The following RIBC2 variants were observed in gnomAD, a reference collection of about 807,000 sequenced individuals.
RIBC2 encodes the protein RIB43A domain with coiled-coils 2, also known as RIB43A-like with coiled-coils protein 2.
Under a neutral mutation model 44.3 loss-of-function variants are expected in RIBC2, and 40 were observed. The ratio of observed to expected loss-of-function variants is 0.90; its 90% CI spans 0.70 to 1.18. The LOEUF (loss-of-function observed/expected upper bound fraction) is 1.18, where lower values mean the gene tolerates loss of function less well. Among genes scored for constraint, RIBC2 ranks in the 50% most tolerant of loss-of-function variants. RIBC2 has a pLI of 0.00. For synonymous variants in RIBC2, 171 were observed against 175.0 expected, an observed-to-expected ratio of 0.98 and a Z score of 0.18; for missense variants, 459 against 485.5, an observed-to-expected ratio of 0.95 and a Z score of 0.51.
At chr22:45,414,256 T>C in intron 1 of RIBC2, 66 bp from the exon 2 acceptor site, 1 of 1,512,462 alleles carries the variant, frequency 6.6e-7, no homozygotes, top group Non-Finnish European at 8.8e-7. Context: ...TAATAATAAG[T>C]AGGATTGTTA....
At chr22:45,415,225 GT>G (rs1276995870) in intron 2 of RIBC2, among the ~76,000 whole-genome samples, 1 of 147,538 alleles carries the variant, frequency 6.8e-6, no homozygotes, top group Admixed American at 6.8e-5. Context: ...AGAAATTTCA[GT>G]GTTTTTAAAC....
intron 6 of RIBC2, 30 bp downstream of exon 6, chr22:45,431,096 G>T: frequency 1.3e-6 from 2 of 1,556,728 alleles, no homozygotes; most frequent in East Asian, 2.4e-5. Context: ...AGGGCCAGGT[G>T]GGGGACCGGG....
At chr22:45,429,860 C>T (rs1234827612) in intron 5 of RIBC2, among the ~76,000 whole-genome samples, 1 of 152,118 alleles carries the variant, frequency 6.6e-6, no homozygotes, top group Non-Finnish European at 1.5e-5. Context: ...ATGAAACCTC[C>T]CCACTCAGAA....
chr22:45,427,932 G>A (rs2087548356), intron 5 of RIBC2, among the ~76,000 whole-genome samples: 1 of 152,218 alleles, frequency 6.6e-6, no homozygotes, highest in Non-Finnish European at 1.5e-5. Context: ...ACCATGCCCG[G>A]CCCTACAGAG....
chr22:45,422,735 T>G (rs1404944182), intron 4 of RIBC2, among the ~76,000 whole-genome samples: 1 of 152,150 alleles, frequency 6.6e-6, no homozygotes, highest in Non-Finnish European at 1.5e-5. Context: ...CTAGCTCTGC[T>G]CCACTGCCTG....
At chr22:45,432,061 G>GT (rs958152487) in intron 6 of RIBC2, among the ~76,000 whole-genome samples, 1 of 152,226 alleles carries the variant, frequency 6.6e-6, no homozygotes, top group Non-Finnish European at 1.5e-5. Context: ...TGTTACTGGT[G>GT]TAAGTCCCTA....
chr22:45,414,185 G>C (rs1201777113), intron 1 of RIBC2, 137 bp from the exon 2 acceptor site: 2 of 1,476,842 alleles, frequency 1.4e-6, no homozygotes, highest in Non-Finnish European at 1.8e-6. Context: ...AGTCACCAAC[G>C]GTTCTCCTCC....
In RIBC2 at chr22:45,413,739, G is replaced by A; in HGVS notation, c.-148G>A. The A allele has an allele frequency of 1.6e-6, 2 of 1,235,042 alleles. No individual in the cohort carries two copies. Among genetic ancestry groups the A allele is most frequent in the Non-Finnish European group, 2.2e-6 (2 of 894,814 alleles). 76.5% of individuals were successfully genotyped at this position (1,235,042 alleles called of 1,614,324 possible). On this transcript the variant is annotated 5_prime_UTR_variant, in exon 1 of 7. Transcript: ENST00000614167. ...GCGGGAGCGTCTGTACCTCTGCGGCGTCACTGGGAGCCCGACGGAAAACTG... is the reference window on the plus strand; with the variant it reads ...GCGGGAGCGTCTGTACCTCTGCGGCATCACTGGGAGCCCGACGGAAAACTG...
Position 45,431,020 on chromosome 22 carries a change from G to T in RIBC2, c.1024G>T (p.Ala342Ser). 2 of 1,587,300 alleles carry T rather than the reference G, an allele frequency of 1.3e-6. No individual in the cohort carries two copies. Among genetic ancestry groups the T allele is most frequent in the Non-Finnish European group, 1.7e-6 (2 of 1,167,386 alleles). Reference protein sequence around the residue: ...QWRRQRDLRRALDSSNLSLAK... With the variant: ...QWRRQRDLRRSLDSSNLSLAK... ...GCGGCGGCAGCGCGACCTGCGCAGA[G>T]CTCTGGACAGCAGCAACCTCAGCCT... is the stretch of plus-strand genomic sequence containing the variant. Residue 342 changes from alanine to serine, a missense_variant, in exon 6 of 7, where the codon GCT becomes TCT. Physicochemically the swap from Ala to Ser is moderately conservative, Grantham distance 99. Transcript: ENST00000614167.
At chr22:45,414,743 T>G (rs1255877747) in intron 2 of RIBC2, among the ~76,000 whole-genome samples, 2 of 152,194 alleles carry the variant, frequency 1.3e-5, no homozygotes, top group African/African-American at 4.8e-5. Context: ...GATTCTTCTC[T>G]TAAAAACAGC....
chr22:45,424,547 G>A (rs999299422), intron 4 of RIBC2, among the ~76,000 whole-genome samples: 2 of 152,220 alleles, frequency 1.3e-5, no homozygotes, highest in African/African-American at 2.4e-5. Flanking sequence ...GGCTTAAACA[G>A]AAAGTTGATG....
chr22:45,418,035 G>GT (rs370540282), intron 3 of RIBC2, 89 bp downstream of exon 3: 54,815 of 436,076 alleles, frequency 0.13, 263 homozygotes, highest in East Asian at 0.2. Context: ...CAACCCTACA[G>GT]TTTTTTTTTT....
At chr22:45,416,339 G>A (rs2087424836) in intron 2 of RIBC2, among the ~76,000 whole-genome samples, 1 of 152,080 alleles carries the variant, frequency 6.6e-6, no homozygotes, top group Admixed American at 6.6e-5. Context: ...CCTAGCACAT[G>A]TGAAAGGGAT....
intron 2 of RIBC2, among the ~76,000 whole-genome samples, chr22:45,416,554 C>A (rs530320837): frequency 4.6e-5 from 7 of 151,860 alleles, no homozygotes; most frequent in African/African-American, 1.7e-4. Flanking sequence ...CTCTGCCTCC[C>A]GGGTTCAAGC....
At chr22:45,414,298 TC>T in intron 1 of RIBC2, 23 bp from the exon 2 acceptor site, 1 of 1,542,562 alleles carries the variant, frequency 6.5e-7, no homozygotes, top group Non-Finnish European at 8.7e-7. Context: ...CTCTAACCCT[TC>T]TCCTCTGTTT....
rs895402645 is a variant in RIBC2 at position 45,414,288 on chromosome 22, C to T, written c.130-34C>T. On this transcript the variant is annotated intron_variant, in intron 1 of 6. Coordinates refer to ENST00000614167, the MANE Select transcript of RIBC2 (RefSeq NM_015653.5). The stretch of plus-strand genomic sequence containing the variant: ...GTTATTACTGAATAAAATGATCTGG[C>T]TCTAACCCTTCTCCTCTGTTTTTCC... The T allele has an allele frequency of 3.3e-6, 5 of 1,538,082 alleles. No individual in the cohort carries two copies. In the African/African-American group the frequency reaches 6.9e-5, roughly 21 times the overall value.
chr22:45,432,357 C>T lies in RIBC2; in HGVS notation c.1144C>T (p.Arg382Ter), dbSNP rs35068483. Residue 382 changes from arginine to a stop codon, truncating the protein, a stop_gained, in exon 7 of 7, where the codon CGA (arginine) becomes TGA (stop). Coordinates refer to ENST00000614167, the MANE Select transcript of RIBC2 (RefSeq NM_015653.5). LOFTEE classifies it high-confidence loss of function. ...TTTCACACAATTTAATACAGGAAGT[C>T]GATAATGAGGAACACACCCTTGTTC... ...DYFTQFNTGS[R>*] The T allele has an allele frequency of 1.3e-3, 1,985 of 1,586,550 alleles. 28 individuals are homozygous for T. The African/African-American group carries it at 0.024, about 19-fold the overall frequency.
chr22:45,429,001 C>T (rs2087556558), intron 5 of RIBC2, among the ~76,000 whole-genome samples: 1 of 152,096 alleles, frequency 6.6e-6, no homozygotes, highest in Non-Finnish European at 1.5e-5. Flanking sequence ...ACCAGGGGGC[C>T]AGAGAGAGAT....
At position 45,417,605 on chromosome 22, in the gene RIBC2, C is replaced by A; in HGVS notation, c.215C>A (p.Ala72Asp). ...TEKARHETFA[A>D]EMRQNDKIMC... ...GGATATGCTGTATCTCTTCCAGCTG[C>A]TGAAATGAGGCAAAATGACAAAATC... The change falls in exon 3 of 7, where the codon GCT (alanine) becomes GAT (aspartate). Residue 72 changes from alanine (A) to aspartate (D), a missense_variant. By Grantham distance (126) the Ala-to-Asp change is moderately radical. Transcript: ENST00000614167. 6.2e-7 allele frequency: 1 copy of A among 1,608,468 alleles called. No homozygotes were observed. The highest frequency in any genetic ancestry group is 1.1e-5 in the South Asian group (1 of 90,960).
Sources: gnomAD v4.1 joint callset for allele counts (sites outside exome capture counted in the v4.1 genomes callset) on GRCh38, gnomAD v4.1.1 for gene constraint, MANE v1.5 for transcripts, NCBI Gene and HGNC (gene_info 2026-07-23, HGNC 2026-07-21) for gene names.